CHST12: variants seen among roughly 807,000 people sequenced by gnomAD.
CHST12 encodes the protein carbohydrate (chondroitin 4) sulfotransferase 12.
In CHST12, 23 loss-of-function variants were observed where a neutral mutation model predicts 27.9. That is an observed-to-expected ratio of 0.82 (90% CI 0.59 to 1.17). The LOEUF (loss-of-function observed/expected upper bound fraction) is 1.17. Among genes scored for constraint, CHST12 ranks in the 50% most tolerant of loss-of-function variants. The pLI is 0.00. For synonymous variants in CHST12, 322 were observed against 273.0 expected (o/e 1.18, Z -1.77); for missense variants, 682 against 603.0 (o/e 1.13, Z -1.37).
intron 1 of CHST12, among the ~76,000 whole-genome samples, chr7:2,425,294 A>G (rs538220590): frequency 1.3e-5 from 2 of 152,126 alleles, no homozygotes; most frequent in Admixed American, 1.3e-4. Flanking sequence ...ATGTCGGTCA[A>G]GACAGGTGTG....
In CHST12 at chr7:2,433,957, G is replaced by A. The variant is rs1583228948; in HGVS notation, c.*73G>A. On this transcript the variant is annotated 3_prime_UTR_variant, in exon 2 of 2. Coordinates refer to ENST00000618655, the MANE Select transcript of CHST12 (RefSeq NM_018641.5). The surrounding 1 kb of genome is among the most constrained non-coding windows in gnomAD (Gnocchi z 6.1). ...GCACTCCAGTTTTTTTATGACCTAC[G>A]ATTTTGCAATCTGGGCTTCTTGTTC... The A allele has an allele frequency of 3.7e-6, 5 of 1,345,908 alleles. No individual in the cohort carries two copies. The highest frequency in any genetic ancestry group is 1.5e-5 in the African/African-American group (1 of 68,378). The allele number at this position is 1,345,908 out of a possible 1,614,324, so 83.4% of individuals were successfully genotyped here.
At position 2,405,835 on chromosome 7, in the gene CHST12, G is replaced by A. The variant is rs368808246; in HGVS notation, c.-78+2162G>A. 1.4e-3 allele frequency among the ~76,000 whole-genome samples: 212 copies of A among 152,298 alleles called. 4 individuals carry two copies. The South Asian group carries it at 0.026, about 18-fold the overall frequency. ...TGGGTTTTAGACCTGCAGAGTTGGC[G>A]GTATTGGTGGCCATCCTGGAGGAGA... On this transcript the variant is annotated intron_variant, in intron 1 of 1. Coordinates refer to ENST00000618655, the MANE Select transcript of CHST12 (RefSeq NM_018641.5).
chr7:2,414,063 C>A (rs948125427), intron 1 of CHST12, among the ~76,000 whole-genome samples: 1 of 152,032 alleles, frequency 6.6e-6, no homozygotes, highest in Non-Finnish European at 1.5e-5. Flanking sequence ...TCTTTGATGA[C>A]TAATGATGAT....
intron 1 of CHST12, among the ~76,000 whole-genome samples, chr7:2,425,203 C>CAA (rs144902925): frequency 1.4e-4 from 10 of 71,962 alleles, no homozygotes; most frequent in South Asian, 4.3e-4. Flanking sequence ...GACTCCGTCT[C>CAA]AAAAAAAAAA....
chr7:2,407,976 TGA>T (rs902728778), intron 1 of CHST12, among the ~76,000 whole-genome samples: 19 of 151,800 alleles, frequency 1.3e-4, no homozygotes, highest in African/African-American at 4.6e-4. Flanking sequence ...ACTTGGATAG[TGA>T]GAGAGGCTGA....
chr7:2,429,992 AGGCT>A (rs1307948973), intron 1 of CHST12, among the ~76,000 whole-genome samples: 1 of 151,996 alleles, frequency 6.6e-6, no homozygotes, highest in Non-Finnish European at 1.5e-5. Flanking sequence ...CATGTTGTCT[AGGCT>A]GGTCTTGGAC....
intron 1 of CHST12, among the ~76,000 whole-genome samples, chr7:2,432,301 C>G (rs541144322): frequency 6.6e-6 from 1 of 151,972 alleles, no homozygotes; most frequent in Non-Finnish European, 1.5e-5. Flanking sequence ...CCGCCAGTGG[C>G]GAGTGTCAGC....
intron 1 of CHST12, among the ~76,000 whole-genome samples, chr7:2,425,271 G>A (rs1343839886): frequency 1.3e-5 from 2 of 150,748 alleles, no homozygotes; most frequent in East Asian, 2.0e-4. Flanking sequence ...AGTGAGGACC[G>A]CGCTTAGTCA....
intron 1 of CHST12, among the ~76,000 whole-genome samples, chr7:2,416,813 T>TATCATCAAAGAGA (rs1781820493): frequency 6.6e-6 from 1 of 152,124 alleles, no homozygotes; most frequent in Admixed American, 6.6e-5. Flanking sequence ...TTGTGAGGCT[T>TATCATCAAAGAGA]TTAGTACCAT....
At chr7:2,409,372 C>G (rs955015680) in intron 1 of CHST12, among the ~76,000 whole-genome samples, 2 of 152,100 alleles carry the variant, frequency 1.3e-5, no homozygotes, top group African/African-American at 2.4e-5. Flanking sequence ...CCCAGCACTT[C>G]AGGAGGCCGA....
chr7:2,419,991 T>TG (rs1781922529), intron 1 of CHST12, among the ~76,000 whole-genome samples: 1 of 145,762 alleles, frequency 6.9e-6, no homozygotes, highest in Admixed American at 6.9e-5. Flanking sequence ...TTTTTTTTTT[T>TG]GAGATGGAGT....
At chr7:2,425,095 A>C (rs1317455156) in intron 1 of CHST12, among the ~76,000 whole-genome samples, 2 of 151,548 alleles carry the variant, frequency 1.3e-5, no homozygotes, top group East Asian at 1.9e-4. Flanking sequence ...AGTCCCAGCT[A>C]CTCGGGAGGC....
intron 1 of CHST12, among the ~76,000 whole-genome samples, chr7:2,412,511 G>A (rs1463430841): frequency 6.6e-6 from 1 of 152,190 alleles, no homozygotes; most frequent in African/African-American, 2.4e-5. Context: ...ACATTCTTGC[G>A]CTTCTTATTG....
intron 1 of CHST12, among the ~76,000 whole-genome samples, chr7:2,420,801 C>T (rs1781953951): frequency 6.6e-6 from 1 of 152,122 alleles, no homozygotes; most frequent in South Asian, 2.1e-4. Flanking sequence ...AGAACAACAA[C>T]CTTGCTTTCA....
Position 2,433,503 on chromosome 7 carries a change from G to C in CHST12, c.864G>C (p.Ala288=), listed in dbSNP as rs780659495. 7 of 1,611,992 alleles carry C rather than the reference G, an allele frequency of 4.3e-6. No individual in the cohort carries two copies. In the South Asian group the frequency reaches 7.7e-5, roughly 18 times the overall value. The change falls in exon 2 of 2, where the codon GCG becomes GCC. Residue 288 remains alanine (A), a synonymous_variant. Transcript: ENST00000618655. This position sits in a 1 kb window ranked among gnomAD's most constrained non-coding sequence, Gnocchi z 6.1. The stretch of plus-strand genomic sequence containing the variant: ...ACCACACCAGCCTGCCCGCCTCGGC[G>C]CGCGAGGCCTTCCGCGCTGGCCTCA... ...YANHTSLPAS[A]REAFRAGLKV... is the part of the protein sequence containing the mutation.
rs1012352458 is a variant in CHST12, at chr7:2,439,857, G to A, written c.*5973G>A. The stretch of plus-strand genomic sequence containing the variant: ...TTGGCGCCACTACACTCCAGCCTGG[G>A]CGACAGAGCGAGACTCCGTCTCAAA... On this transcript the variant is annotated 3_prime_UTR_variant, in exon 2 of 2. Coordinates refer to ENST00000618655, the MANE Select transcript of CHST12 (RefSeq NM_018641.5). 8.6e-5 allele frequency: 13 copies of A among 151,932 alleles called. No individual in the cohort carries two copies. The highest frequency in any genetic ancestry group is 5.9e-4 in the Admixed American group (9 of 15,256). The allele number at this position is 151,932 out of a possible 1,614,324, so 9.4% of individuals were successfully genotyped here.
At chr7:2,415,353 G>A (rs1474908205) in intron 1 of CHST12, among the ~76,000 whole-genome samples, 1 of 144,128 alleles carries the variant, frequency 6.9e-6, no homozygotes, top group Admixed American at 7.0e-5. Context: ...TGACAACAGC[G>A]AAACTCTGCC....
intron 1 of CHST12, among the ~76,000 whole-genome samples, chr7:2,420,077 C>T (rs566101187): frequency 7.6e-4 from 112 of 147,070 alleles, no homozygotes; most frequent in Non-Finnish European, 1.2e-3. Flanking sequence ...GGGTTCATGC[C>T]ATTCTCCTGC....
chr7:2,406,555 C>T (rs899790249), intron 1 of CHST12, among the ~76,000 whole-genome samples: 1 of 151,716 alleles, frequency 6.6e-6, no homozygotes, highest in Non-Finnish European at 1.5e-5. Flanking sequence ...GAACAGGGCA[C>T]AGGAGGAGGA....
Sources: allele counts gnomAD v4.1 joint callset (sites outside exome capture counted in the v4.1 genomes callset), GRCh38; gene constraint gnomAD v4.1.1; non-coding constraint Gnocchi (gnomAD v3.1); transcripts MANE v1.5; gene names NCBI Gene and HGNC (gene_info 2026-07-23, HGNC 2026-07-21).